The following PLXNA2 variants were observed in gnomAD, a reference collection of about 807,000 sequenced individuals.
PLXNA2 encodes the protein plexin-A2.
A neutral mutation model predicts 193.5 loss-of-function variants in PLXNA2; 91 were observed. That is an observed-to-expected ratio of 0.47 (90% CI 0.40 to 0.56). PLXNA2 has a LOEUF of 0.56. Ranked by LOEUF, PLXNA2 falls within the 20% of genes least tolerant of loss-of-function variation. The probability of loss-of-function intolerance (pLI) is 0.00; values close to 1 mark genes in which losing one functional copy is unlikely to be tolerated. For synonymous variants in PLXNA2, 997 were observed against 1,027.3 expected (o/e 0.97, Z 0.56); for missense variants, 1,995 against 2,503.2 (o/e 0.80, Z 4.33).
intron 4 of PLXNA2, among the ~76,000 whole-genome samples, chr1:208,115,342 G>A (rs916184661): frequency 2.6e-5 from 4 of 152,090 alleles, no homozygotes; most frequent in Non-Finnish European, 2.9e-5. Context: ...TAGTCTATCC[G>A]CTGAGTTCAT....
At chr1:208,118,002 C>A (rs1246660411) in intron 4 of PLXNA2, among the ~76,000 whole-genome samples, 1 of 152,120 alleles carries the variant, frequency 6.6e-6, no homozygotes, top group Non-Finnish European at 1.5e-5. Flanking sequence ...GAGATCCAGG[C>A]AAAACTTTAC....
intron 3 of PLXNA2, among the ~76,000 whole-genome samples, chr1:208,164,488 G>A (rs1461799737): frequency 6.6e-6 from 1 of 152,176 alleles, no homozygotes; most frequent in Admixed American, 6.5e-5. Flanking sequence ...CTTCCATTGA[G>A]GGCCAGTTCC....
intron 23 of PLXNA2, 80 bp downstream of exon 23, chr1:208,039,912 C>T (rs557687242): frequency 1.3e-6 from 2 of 1,580,914 alleles, no homozygotes; most frequent in Admixed American, 1.7e-5. Flanking sequence ...AGGGGGTCCC[C>T]ATGCAGCCCT....
intron 1 of PLXNA2, among the ~76,000 whole-genome samples, chr1:208,241,891 C>A (rs982166287): frequency 6.9e-6 from 1 of 145,548 alleles, no homozygotes; most frequent in Non-Finnish European, 1.5e-5. Flanking sequence ...TGAAAAACAA[C>A]CTCGCTATGA....
intron 12 of PLXNA2, among the ~76,000 whole-genome samples, chr1:208,073,247 G>A (rs1666030073): frequency 6.6e-6 from 1 of 152,216 alleles, no homozygotes; most frequent in East Asian, 1.9e-4. Context: ...CCTGAGGTTA[G>A]TGTCCTCATT....
chr1:208,128,961 C>T (rs1202129047), intron 4 of PLXNA2, among the ~76,000 whole-genome samples: 4 of 152,174 alleles, frequency 2.6e-5, no homozygotes, highest in East Asian at 1.9e-4. Flanking sequence ...TCGCAAAGTG[C>T]TGGGATTACA....
At chr1:208,099,035 C>G in intron 5 of PLXNA2, 66 bp from the exon 6 acceptor site, 1 of 1,585,364 alleles carries the variant, frequency 6.3e-7, no homozygotes, top group Non-Finnish European at 8.6e-7. Flanking sequence ...TCCATTGTCC[C>G]CTGGGCAGGA....
intron 5 of PLXNA2, among the ~76,000 whole-genome samples, chr1:208,100,865 G>A (rs768651320): frequency 6.6e-6 from 1 of 152,158 alleles, no homozygotes; most frequent in Non-Finnish European, 1.5e-5. Flanking sequence ...TCAGGTTACT[G>A]TCTGCCTTGT....
intron 3 of PLXNA2, among the ~76,000 whole-genome samples, chr1:208,186,227 C>T (rs1558234394): frequency 1.3e-5 from 2 of 152,096 alleles, no homozygotes. Context: ...GGAGACAACC[C>T]CTGTGACTTC....
intron 4 of PLXNA2, among the ~76,000 whole-genome samples, chr1:208,136,236 G>T (rs536159517): frequency 6.6e-6 from 1 of 152,188 alleles, no homozygotes; most frequent in African/African-American, 2.4e-5. Flanking sequence ...CACCGTATCT[G>T]AATTCCTGAC....
intron 3 of PLXNA2, among the ~76,000 whole-genome samples, chr1:208,189,315 CTG>C (rs1298868260): frequency 6.6e-6 from 1 of 152,038 alleles, no homozygotes; most frequent in Admixed American, 6.6e-5. Flanking sequence ...CAGCTGTGGT[CTG>C]TGTTACCTGA....
chr1:208,168,100 A>G (rs988557566), intron 3 of PLXNA2, among the ~76,000 whole-genome samples: 1 of 152,198 alleles, frequency 6.6e-6, no homozygotes, highest in African/African-American at 2.4e-5. Flanking sequence ...AAGTTCCGCA[A>G]GCTTCTAGGG....
At chr1:208,079,511 C>G in intron 11 of PLXNA2, 61 bp from the exon 12 acceptor site, 2 of 1,260,298 alleles carry the variant, frequency 1.6e-6, no homozygotes, top group Non-Finnish European at 2.2e-6. Flanking sequence ...ATGCACCCTC[C>G]TCTTGCAGGT....
chr1:208,117,654 C>G (rs1025571118), intron 4 of PLXNA2, among the ~76,000 whole-genome samples: 1 of 152,126 alleles, frequency 6.6e-6, no homozygotes, highest in African/African-American at 2.4e-5. Flanking sequence ...CAGGAAGAAC[C>G]CAGCCCTGTA....
intron 4 of PLXNA2, among the ~76,000 whole-genome samples, chr1:208,107,708 G>C (rs1213865084): frequency 6.6e-6 from 1 of 152,144 alleles, no homozygotes; most frequent in Non-Finnish European, 1.5e-5. Flanking sequence ...ACTTTAATTA[G>C]CATTTGTTTA....
chr1:208,147,742 A>C (rs543333843), intron 3 of PLXNA2, among the ~76,000 whole-genome samples: 8 of 152,330 alleles, frequency 5.3e-5, no homozygotes, highest in African/African-American at 1.9e-4. Flanking sequence ...AATTCTCTGA[A>C]GAGGGGGCTA....
In PLXNA2 at chr1:208,027,002, G is replaced by T; in HGVS notation, c.*241C>A. ...TCGGCTTGAAGAACCACCTTCTCCC[G>T]GCCCCGGGTTCTCTGGTGTTCTCAC... On this transcript the variant is annotated 3_prime_UTR_variant, in exon 32 of 32. Transcript: ENST00000367033. 1 of 416,230 alleles carries T rather than the reference G, an allele frequency of 2.4e-6. No homozygotes were observed. Among genetic ancestry groups the T allele is most frequent in the Non-Finnish European group, 4.4e-6 (1 of 229,426 alleles). 25.8% of individuals were successfully genotyped at this position (416,230 alleles called of 1,614,324 possible).
intron 14 of PLXNA2, among the ~76,000 whole-genome samples, chr1:208,053,240 C>T (rs544567812): frequency 1.6e-4 from 25 of 152,348 alleles, no homozygotes; most frequent in African/African-American, 5.1e-4. Context: ...CATTCATCCG[C>T]TGTGTGTCCT....
chr1:208,187,178 C>A (rs1253077720), intron 3 of PLXNA2, among the ~76,000 whole-genome samples: 1 of 152,148 alleles, frequency 6.6e-6, no homozygotes, highest in South Asian at 2.1e-4. Context: ...TCAGCATCTA[C>A]CACTTTCTTC....
Sources: allele counts gnomAD v4.1 joint callset (sites outside exome capture counted in the v4.1 genomes callset), GRCh38; gene constraint gnomAD v4.1.1; transcripts MANE v1.5; gene names NCBI Gene and HGNC (gene_info 2026-07-23, HGNC 2026-07-21).